Variants in CROCC observed in about 807,000 individuals in gnomAD.
CROCC encodes rootletin.
A neutral mutation model predicts 245.2 loss-of-function variants in CROCC; 180 were observed. That is an observed-to-expected ratio of 0.73 (90% CI 0.65 to 0.83). CROCC has a LOEUF of 0.83. Among genes scored for constraint, CROCC ranks in the 40% least tolerant of loss-of-function variants. The pLI, the probability that CROCC is intolerant of heterozygous loss-of-function variation, is 0.00. For synonymous variants in CROCC, 1,205 were observed against 1,241.6 expected, an observed-to-expected ratio of 0.97 and a Z score of 0.62; for missense variants, 2,688 against 2,779.4, an observed-to-expected ratio of 0.97 and a Z score of 0.74.
At chr1:16,934,892 C>CTTTTTTTTTTTTTTTT (rs556637657) in intron 8 of CROCC, among the ~76,000 whole-genome samples, 3 of 128,490 alleles carry the variant, frequency 2.3e-5, no homozygotes, top group Non-Finnish European at 3.3e-5. Context: ...TCAGCAGTTT[C>CTTTTTTTTTTTTTTTT]TTTTTTTTTT....
At chr1:16,965,058 C>T (rs757020176) in intron 27 of CROCC, among the ~76,000 whole-genome samples, 12 of 151,770 alleles carry the variant, frequency 7.9e-5, no homozygotes, top group African/African-American at 2.4e-4. Flanking sequence ...TCAAGTGATC[C>T]GCCTGCCTCG....
At position 16,946,490 on chromosome 1, in the gene CROCC, G is replaced by C. The variant is rs913275425; in HGVS notation, c.2283+85G>C. The C allele has an allele frequency of 3.9e-6, 6 of 1,525,600 alleles. No homozygotes were observed. In the African/African-American group the frequency reaches 8.2e-5, roughly 21 times the overall value. The allele number at this position is 1,525,600 out of a possible 1,614,324, so 94.5% of individuals were successfully genotyped here. The stretch of plus-strand genomic sequence containing the variant: ...GCACCCCGGGCCCAGCCCTGTACCT[G>C]TCTTGGCCCCTGCCTCCCTTTCTGT... On this transcript the variant is annotated intron_variant, in intron 16 of 36. Coordinates refer to ENST00000375541, the MANE Select transcript of CROCC (RefSeq NM_014675.5).
At chr1:16,940,114 G>A in intron 13 of CROCC, 21 bp downstream of exon 13, 6 of 1,359,362 alleles carry the variant, frequency 4.4e-6, no homozygotes, top group African/African-American at 1.6e-5. Context: ...GGTCTGAGCT[G>A]GGGGGTACTG....
rs752017817 is a variant in CROCC, at chr1:16,946,743, C to G, written c.2284-18C>G. ...GGGACGCCCTGCTCACGAGGCCCCA[C>G]TCCTACCTGGCCTCCAGCTGGAGGA... On this transcript the variant is annotated intron_variant, in intron 16 of 36. Coordinates refer to ENST00000375541, the MANE Select transcript of CROCC (RefSeq NM_014675.5). 6.3e-5 allele frequency: 98 copies of G among 1,550,120 alleles called. No individual in the cohort carries two copies. The Middle Eastern group carries it at 0.011, about 167-fold the overall frequency.
Position 16,930,052 on chromosome 1 carries a change from C to T in CROCC, c.537+21C>T, listed in dbSNP as rs542701023. 2.4e-5 allele frequency: 38 copies of T among 1,565,960 alleles called. No homozygotes were observed. In the South Asian group the frequency reaches 3.9e-4, roughly 16 times the overall value. ...GCAAGGTCAGGACCACCCACTCCTG[C>T]TCCTGTCCTCCCACCTGTTCACTTT... is the stretch of plus-strand genomic sequence containing the variant. On this transcript the variant is annotated intron_variant, in intron 4 of 36. Coordinates refer to ENST00000375541, the MANE Select transcript of CROCC (RefSeq NM_014675.5).
At chr1:16,951,644 G>A (rs2076161106) in intron 20 of CROCC, among the ~76,000 whole-genome samples, 1 of 152,240 alleles carries the variant, frequency 6.6e-6, no homozygotes. Flanking sequence ...CTGCATAGAG[G>A]GCTTAGCATA....
chr1:16,952,776 C>T (rs9435652), intron 20 of CROCC, among the ~76,000 whole-genome samples: 19 of 152,320 alleles, frequency 1.2e-4, no homozygotes, highest in Non-Finnish European at 1.6e-4. Context: ...GTCCTAACTC[C>T]CCTCCATCCC....
intron 30 of CROCC, among the ~76,000 whole-genome samples, chr1:16,967,894 C>T (rs1015879376): frequency 2.0e-5 from 3 of 152,184 alleles, no homozygotes; most frequent in Non-Finnish European, 2.9e-5. Flanking sequence ...TTGTGGTACC[C>T]TGGGACCAAT....
chr1:16,938,859 C>G, intron 11 of CROCC, 50 bp from the exon 12 acceptor site: 1 of 1,561,648 alleles, frequency 6.4e-7, no homozygotes, highest in Non-Finnish European at 8.8e-7. Context: ...CAGCTAACCC[C>G]GCGGTTCCTA....
Position 16,970,583 on chromosome 1 carries a change from C to T in CROCC, c.5653-53C>T. 2.0e-6 allele frequency: 3 copies of T among 1,490,700 alleles called. 1 individual carries two copies. The East Asian group carries it at 7.1e-5, about 35-fold the overall frequency. 92.3% of individuals were successfully genotyped at this position (1,490,700 alleles called of 1,614,324 possible). A position where few individuals can be genotyped will look rare whatever the true frequency, so the allele number is the denominator to read the frequency against. ...TCCATCAGGGTTCAGGAACCTGAGC[C>T]CCCTCAGTAAGCTCCTCCTGGCACC... On this transcript the variant is annotated intron_variant, in intron 34 of 36. Transcript: ENST00000375541.
At chr1:16,955,607 C>T in intron 24 of CROCC, 57 bp downstream of exon 24, 1 of 1,364,458 alleles carries the variant, frequency 7.3e-7, no homozygotes, top group Non-Finnish European at 9.7e-7. Flanking sequence ...TCCCTGAAAC[C>T]TAACTTCACC....
Position 16,970,525 on chromosome 1 carries a change from C to G in CROCC, c.5652+72C>G, listed in dbSNP as rs538697039. Reference sequence around the variant, plus strand: ...CGTGGTGGATCCCACTGCACATCCCCAGGGTCTGCTACCTCTGGTGGGGTT... The same window carrying G: ...CGTGGTGGATCCCACTGCACATCCCGAGGGTCTGCTACCTCTGGTGGGGTT... On this transcript the variant is annotated intron_variant, in intron 34 of 36. Transcript: ENST00000375541. The G allele has an allele frequency of 7.4e-6, 11 of 1,484,744 alleles. No individual in the cohort carries two copies. The Admixed American group carries it at 2.6e-4, about 35-fold the overall frequency. The allele number at this position is 1,484,744 out of a possible 1,614,324, so 92.0% of individuals were successfully genotyped here.
rs200034654 is a variant in CROCC, at chr1:16,946,348, C to T, written c.2226C>T (p.Ser742=). Residue 742 remains serine (S), a synonymous_variant, in exon 16 of 37, where the codon AGC becomes AGT. Coordinates refer to ENST00000375541, the MANE Select transcript of CROCC (RefSeq NM_014675.5). ...ASLQDSLSKL[S]ALNESLAQDK... ...TGCAGGACTCCCTGTCCAAGCTGAG[C>T]GCCCTCAACGAGAGCCTTGCTCAGG... is the stretch of plus-strand genomic sequence containing the variant. 8.3e-5 allele frequency: 134 copies of T among 1,613,370 alleles called. No homozygotes were observed. Among genetic ancestry groups the T allele is most frequent in the East Asian group, 8.2e-4 (37 of 44,882 alleles).
intron 24 of CROCC, 110 bp from the exon 25 acceptor site, chr1:16,955,887 A>G (rs2076242853): frequency 4.4e-6 from 6 of 1,355,116 alleles, no homozygotes; most frequent in Admixed American, 2.1e-5. Flanking sequence ...GAGAGGCCAC[A>G]TGGGCAGGCA....
rs2076424913 is a variant in CROCC, at chr1:16,966,735, C to T, written c.4860+164C>T. On this transcript the variant is annotated intron_variant, in intron 30 of 36. Coordinates refer to ENST00000375541, the MANE Select transcript of CROCC (RefSeq NM_014675.5). The surrounding 1 kb of genome is among the most constrained non-coding windows in gnomAD (Gnocchi z 4.8). ...TGAAACCATGTTCAGACTCCATCCT[C>T]TCATGTCACTTGTGGTCACTAGGCT... Among the ~76,000 whole-genome samples the T allele has an allele frequency of 6.6e-6, 1 of 152,228 alleles. No individual in the cohort carries two copies. The highest frequency in any genetic ancestry group is 6.5e-5 in the Admixed American group (1 of 15,282).
At position 16,937,737 on chromosome 1, in the gene CROCC, G is replaced by A. The variant is rs2075823555; in HGVS notation, c.1290G>A (p.Leu430=). 1.9e-6 allele frequency: 3 copies of A among 1,608,170 alleles called. No homozygotes were observed. The highest frequency in any genetic ancestry group is 2.2e-5 in the East Asian group (1 of 44,842). Residue 430 remains leucine (L), a splice_region_variant and synonymous_variant, in exon 10 of 37, where the codon CTG becomes CTA. Coordinates refer to ENST00000375541, the MANE Select transcript of CROCC (RefSeq NM_014675.5). ...ACCTCACTGAGAAGCTTGAGGCCCT[G>A]GTGAGCTGCAGGTGCCCCTGAGATG... ...NKDLTEKLEA[L]ESLRLQEQAA...
intron 35 of CROCC, 89 bp from the exon 36 acceptor site, chr1:16,971,376 G>A (rs938509352): frequency 1.6e-5 from 23 of 1,437,330 alleles, no homozygotes; most frequent in African/African-American, 1.0e-4. Flanking sequence ...TGCACTGGCC[G>A]TGTCCCAGGG....
intron 1 of CROCC, among the ~76,000 whole-genome samples, chr1:16,914,535 G>T (rs1487219857): frequency 6.6e-6 from 1 of 152,284 alleles, no homozygotes; most frequent in Non-Finnish European, 1.5e-5. Flanking sequence ...CCTCGTGTGG[G>T]ATCCGGTTTC....
In CROCC at chr1:16,937,657, C is replaced by G; in HGVS notation, c.1210C>G (p.Leu404Val). ...CAACTCCAGAGTGACAGAGCTGGGC[C>G]TGGCAGTGAAGCGTCTTGAGAAGCA... ...DLSARVTELG[L>V]AVKRLEKQNL... Residue 404 changes from leucine (L) to valine (V), a missense_variant, in exon 10 of 37, where the codon CTG becomes GTG. Leu to Val is a conservative substitution (Grantham distance 32). This residue lies in a region of CROCC where 972 missense variants were observed against 895.3 expected (regional missense o/e 1.09). Transcript: ENST00000375541. 1 of 1,611,418 alleles carries G rather than the reference C, an allele frequency of 6.2e-7. No individual in the cohort carries two copies. Among genetic ancestry groups the G allele is most frequent in the African/African-American group, 1.3e-5 (1 of 75,000 alleles).
Sources: allele counts gnomAD v4.1 joint callset (sites outside exome capture counted in the v4.1 genomes callset), GRCh38; gene constraint gnomAD v4.1.1; regional missense constraint gnomAD v4.1.1; non-coding constraint Gnocchi (gnomAD v3.1); transcripts MANE v1.5; gene names NCBI Gene and HGNC (gene_info 2026-07-23, HGNC 2026-07-21).